PRKCA: variants seen among roughly 807,000 people sequenced by gnomAD.
PRKCA encodes protein kinase C alpha type.
A neutral mutation model predicts 87.0 loss-of-function variants in PRKCA; 27 were observed. The ratio of observed to expected loss-of-function variants is 0.31; its 90% confidence interval spans 0.23 to 0.43. The LOEUF (loss-of-function observed/expected upper bound fraction) is 0.43, where lower values mean the gene tolerates loss of function less well. Among genes scored for constraint, PRKCA ranks in the 20% least tolerant of loss-of-function variants. The pLI is 1.00. For synonymous variants in PRKCA, 329 were observed against 311.1 expected (o/e 1.06, Z -0.61); for missense variants, 518 against 852.3 (o/e 0.61, Z 4.88).
chr17:66,744,760 G>A (rs1157197801), intron 13 of PRKCA, among the ~76,000 whole-genome samples: 1 of 152,218 alleles, frequency 6.6e-6, no homozygotes, highest in Non-Finnish European at 1.5e-5. Flanking sequence ...GAGATCAGAA[G>A]TCCAAAATCA....
In PRKCA at chr17:66,579,298, G is replaced by A. The variant is rs115978776; in HGVS notation, c.289-62057G>A. Among the ~76,000 whole-genome samples, 482 of 152,280 alleles carry A rather than the reference G, an allele frequency of 3.2e-3. 1 individual carries two copies. Among genetic ancestry groups the A allele is most frequent in the African/African-American group, 0.011 (465 of 41,548 alleles). On this transcript the variant is annotated intron_variant, in intron 3 of 16. Coordinates refer to ENST00000413366, the MANE Select transcript of PRKCA (RefSeq NM_002737.3). ...CCAGGGTCAAGGATGGCCTTCCTGT[G>A]GTGTGATGTGTAAGCTGGAATTTGG... is the stretch of plus-strand genomic sequence containing the variant.
At chr17:66,446,101 C>T (rs1250622333) in intron 2 of PRKCA, among the ~76,000 whole-genome samples, 1 of 152,110 alleles carries the variant, frequency 6.6e-6, no homozygotes, top group African/African-American at 2.4e-5. Flanking sequence ...GGCTTGATTC[C>T]AGCCAAAGTG....
chr17:66,352,639 C>A (rs376075102), intron 2 of PRKCA, among the ~76,000 whole-genome samples: 1 of 138,596 alleles, frequency 7.2e-6, no homozygotes, highest in East Asian at 2.3e-4. Flanking sequence ...TCTCAGCTCA[C>A]TGCAACCTCC....
intron 3 of PRKCA, among the ~76,000 whole-genome samples, chr17:66,519,944 G>A (rs1967101923): frequency 6.6e-6 from 1 of 152,174 alleles, no homozygotes. Context: ...AATTCCCAGA[G>A]CTCATACACT....
Position 66,799,110 on chromosome 17 carries a change from TGAC to T in PRKCA, c.1855-4761_1855-4759del, listed in dbSNP as rs1285078832. Reference sequence around the variant, plus strand: ...GTGGTGGTGGTGGTGGTGGTGATGGTGACGGTGGTGGTGGTGGTGGTGGTGGTG... The same window carrying T: ...GTGGTGGTGGTGGTGGTGGTGATGGTGGTGGTGGTGGTGGTGGTGGTGGTG... On this transcript the variant is annotated intron_variant, in intron 16 of 16. Transcript: ENST00000413366. 1.1e-3 allele frequency among the ~76,000 whole-genome samples: 6 copies of T among 5,680 alleles called. 1 individual carries two copies. The highest frequency in any genetic ancestry group is 2.4e-3 in the Non-Finnish European group (6 of 2,534). 3.7% of individuals were successfully genotyped at this position (5,680 alleles called of 152,430 possible).
At chr17:66,782,879 T>C (rs943908409) in intron 14 of PRKCA, among the ~76,000 whole-genome samples, 2 of 152,224 alleles carry the variant, frequency 1.3e-5, no homozygotes, top group Non-Finnish European at 2.9e-5. Flanking sequence ...TCAGGATGCC[T>C]GGGTTAGCAC....
intron 2 of PRKCA, among the ~76,000 whole-genome samples, chr17:66,311,475 G>T (rs1272249550): frequency 1.3e-5 from 2 of 152,098 alleles, no homozygotes; most frequent in Non-Finnish European, 2.9e-5. Flanking sequence ...AAGTAGCTGG[G>T]CATGGTGGTG....
chr17:66,580,625 T>C (rs1969394706), intron 3 of PRKCA, among the ~76,000 whole-genome samples: 1 of 152,244 alleles, frequency 6.6e-6, no homozygotes, highest in Admixed American at 6.5e-5. Context: ...ATATAAACTT[T>C]ACTGACATTT....
At chr17:66,569,709 G>T (rs1969013311) in intron 3 of PRKCA, among the ~76,000 whole-genome samples, 1 of 152,188 alleles carries the variant, frequency 6.6e-6, no homozygotes. Flanking sequence ...GTCATCAGGG[G>T]AATGCAAATT....
At chr17:66,422,479 C>T (rs1010475218) in intron 2 of PRKCA, among the ~76,000 whole-genome samples, 1 of 152,168 alleles carries the variant, frequency 6.6e-6, no homozygotes, top group East Asian at 1.9e-4. Context: ...GAATACATGT[C>T]ATATCTGGAA....
intron 2 of PRKCA, among the ~76,000 whole-genome samples, chr17:66,408,775 C>T (rs1335286644): frequency 6.6e-5 from 10 of 152,004 alleles, no homozygotes; most frequent in East Asian, 1.9e-4. Context: ...GGTTGTCGGC[C>T]GGGCGCGGTG....
At chr17:66,607,970 G>T (rs1970256161) in intron 3 of PRKCA, among the ~76,000 whole-genome samples, 1 of 152,194 alleles carries the variant, frequency 6.6e-6, no homozygotes, top group Non-Finnish European at 1.5e-5. Flanking sequence ...AATTGCCAAA[G>T]ACAGTTTTTA....
intron 8 of PRKCA, among the ~76,000 whole-genome samples, chr17:66,691,163 G>C (rs1972776805): frequency 6.6e-6 from 1 of 152,074 alleles, no homozygotes; most frequent in African/African-American, 2.4e-5. Flanking sequence ...AAAAAACTTA[G>C]AACTCTGTGT....
chr17:66,552,046 C>G (rs1304262652), intron 3 of PRKCA, among the ~76,000 whole-genome samples: 1 of 152,094 alleles, frequency 6.6e-6, no homozygotes, highest in African/African-American at 2.4e-5. Context: ...GCCCGTAATC[C>G]CAGCACTTGT....
intron 2 of PRKCA, among the ~76,000 whole-genome samples, chr17:66,377,727 T>A (rs1004215691): frequency 9.4e-4 from 120 of 127,922 alleles, no homozygotes; most frequent in East Asian, 3.5e-3. Flanking sequence ...ATATATTTTT[T>A]TTTTTTTTTT....
chr17:66,436,454 A>G (rs140370464), intron 2 of PRKCA, among the ~76,000 whole-genome samples: 16 of 152,290 alleles, frequency 1.1e-4, no homozygotes, highest in African/African-American at 3.8e-4. Flanking sequence ...AAGTGAGAGA[A>G]CACACGTGAA....
chr17:66,543,803 C>T (rs1968061778), intron 3 of PRKCA, among the ~76,000 whole-genome samples: 1 of 152,190 alleles, frequency 6.6e-6, no homozygotes, highest in Non-Finnish European at 1.5e-5. Context: ...TGGAACAAGC[C>T]TGGTTTGCTG....
intron 8 of PRKCA, among the ~76,000 whole-genome samples, chr17:66,709,229 A>AC (rs1384341333): frequency 1.4e-5 from 2 of 147,700 alleles, no homozygotes; most frequent in Non-Finnish European, 3.0e-5. Context: ...TTGGGGGATT[A>AC]CCCCTATGAA....
At chr17:66,645,558 TGAA>T (rs761783315) in intron 5 of PRKCA, 47 bp downstream of exon 5, 83 of 1,611,638 alleles carry the variant, frequency 5.2e-5, no homozygotes, top group Non-Finnish European at 6.5e-5. Flanking sequence ...GGCATTTGGA[TGAA>T]GGTTACACTG....
Sources: gnomAD v4.1 joint callset for allele counts (sites outside exome capture counted in the v4.1 genomes callset) on GRCh38, gnomAD v4.1.1 for gene constraint, MANE v1.5 for transcripts, NCBI Gene and HGNC (gene_info 2026-07-23, HGNC 2026-07-21) for gene names.